The following ITPR1 variants were observed in gnomAD, a reference collection of about 807,000 sequenced individuals.
ITPR1 encodes inositol 1,4,5-trisphosphate-gated calcium channel ITPR1.
Under a neutral mutation model 318.4 loss-of-function variants are expected in ITPR1, and 96 were observed. The observed-to-expected ratio is 0.30, with a 90% CI of 0.26 to 0.36. ITPR1 has a LOEUF of 0.36. Ranked by LOEUF, ITPR1 falls within the 10% of genes least tolerant of loss-of-function variation. The pLI is 1.00. For synonymous variants in ITPR1, 1,312 were observed against 1,289.9 expected (o/e 1.02, Z -0.37); for missense variants, 2,440 against 3,460.2 (o/e 0.71, Z 7.40).
At chr3:4,824,006 A>G (rs929216351) in intron 60 of ITPR1, among the ~76,000 whole-genome samples, 6 of 152,206 alleles carry the variant, frequency 3.9e-5, no homozygotes, top group African/African-American at 1.4e-4. Context: ...GCATATAAAG[A>G]CGGCCTGATC....
chr3:4,794,967 G>T (rs2047804054), intron 52 of ITPR1, 98 bp from the exon 53 acceptor site: 8 of 1,336,686 alleles, frequency 6.0e-6, no homozygotes, highest in Non-Finnish European at 7.0e-6. Context: ...GAACAAAAGT[G>T]GACTTGTGGG....
At chr3:4,533,014 G>C (rs1446361132) in intron 4 of ITPR1, among the ~76,000 whole-genome samples, 1 of 152,172 alleles carries the variant, frequency 6.6e-6, no homozygotes, top group Non-Finnish European at 1.5e-5. Context: ...TTGACTGTGT[G>C]TGTTTTCCCA....
chr3:4,602,561 A>C (rs2125084935), intron 4 of ITPR1, among the ~76,000 whole-genome samples: 1 of 151,810 alleles, frequency 6.6e-6, no homozygotes, highest in South Asian at 2.1e-4. Context: ...TTGTACATAA[A>C]CATTTATAGC....
chr3:4,656,092 G>A (rs2093702219), intron 12 of ITPR1, among the ~76,000 whole-genome samples: 1 of 152,220 alleles, frequency 6.6e-6, no homozygotes, highest in South Asian at 2.1e-4. Context: ...CTTGGTGCCA[G>A]AGGGAGAAAA....
At chr3:4,716,534 C>G (rs1348353428) in intron 39 of ITPR1, among the ~76,000 whole-genome samples, 1 of 152,118 alleles carries the variant, frequency 6.6e-6, no homozygotes, top group Non-Finnish European at 1.5e-5. Context: ...TCAGGTAATG[C>G]CTGGGTTTTC....
In ITPR1 at chr3:4,683,820, C is replaced by CAAACACAAG. The variant is rs764105659; in HGVS notation, c.3498+22_3498+23insAAACACAAG. The CAAACACAAG allele has an allele frequency of 8.1e-6, 13 of 1,605,788 alleles. No individual in the cohort carries two copies. The African/African-American group carries it at 1.3e-4, about 17-fold the overall frequency. Reference sequence around the variant, plus strand: ...GGAGGTGAGTGAAACACAAGTTATGCTGCCAAAGTGGATGGATGGGCTTCT... The same window carrying CAAACACAAG: ...GGAGGTGAGTGAAACACAAGTTATGCAAACACAAGTGCCAAAGTGGATGGATGGGCTTCT... On this transcript the variant is annotated intron_variant, in intron 28 of 61. Transcript: ENST00000649015.
chr3:4,720,091 A>G (rs531351898), intron 40 of ITPR1, among the ~76,000 whole-genome samples: 1 of 152,350 alleles, frequency 6.6e-6, no homozygotes, highest in African/African-American at 2.4e-5. Flanking sequence ...GGCTTGAAAG[A>G]GTTAACAGCT....
chr3:4,693,426 A>ATTTTTTTTTT, intron 32 of ITPR1, 64 bp from the exon 33 acceptor site: 1 of 1,563,326 alleles, frequency 6.4e-7, no homozygotes, highest in Non-Finnish European at 8.8e-7. Flanking sequence ...CTGTGAATAG[A>ATTTTTTTTTT]TTTTTTTCAT....
At position 4,846,977 on chromosome 3, in the gene ITPR1, T is replaced by C. The variant is rs1214428740; in HGVS notation, c.*752T>C. 2 of 152,648 alleles carry C rather than the reference T, an allele frequency of 1.3e-5. No homozygotes were observed. Among genetic ancestry groups the C allele is most frequent in the Non-Finnish European group, 2.9e-5 (2 of 68,038 alleles). The allele number at this position is 152,648 out of a possible 1,614,324, so 9.5% of individuals were successfully genotyped here. On this transcript the variant is annotated 3_prime_UTR_variant, in exon 62 of 62. Coordinates refer to ENST00000649015, the MANE Select transcript of ITPR1 (RefSeq NM_001378452.1). Reference sequence around the variant, plus strand: ...CTCATACTTTAGCTTGTGAAGAAGATAATGAATTTTTTAAAGGGAACTTTC... The same window carrying C: ...CTCATACTTTAGCTTGTGAAGAAGACAATGAATTTTTTAAAGGGAACTTTC...
intron 52 of ITPR1, among the ~76,000 whole-genome samples, chr3:4,792,596 G>A (rs921492653): frequency 2.0e-5 from 3 of 152,162 alleles, no homozygotes; most frequent in African/African-American, 7.2e-5. Context: ...GCTGTCGGCA[G>A]GAGGCCTCAG....
intron 4 of ITPR1, among the ~76,000 whole-genome samples, chr3:4,555,891 A>G (rs1019132156): frequency 6.6e-6 from 1 of 152,164 alleles, no homozygotes; most frequent in African/African-American, 2.4e-5. Context: ...CTGAGGCAGG[A>G]AGAAATTAAA....
chr3:4,754,844 A>G (rs1052250658), intron 44 of ITPR1, among the ~76,000 whole-genome samples: 2 of 152,186 alleles, frequency 1.3e-5, no homozygotes, highest in Admixed American at 6.5e-5. Context: ...TCTGTTTTCA[A>G]GGGTATCGTT....
At chr3:4,585,969 T>C (rs538153262) in intron 4 of ITPR1, among the ~76,000 whole-genome samples, 453 of 150,612 alleles carry the variant, frequency 3.0e-3, no homozygotes, top group Non-Finnish European at 5.1e-3. Context: ...CCTCCTTGTG[T>C]CCATGTGTTC....
In ITPR1 at chr3:4,818,259, C is replaced by G. The variant is rs1357225153; in HGVS notation, c.8028+17C>G. 5 of 1,551,982 alleles carry G rather than the reference C, an allele frequency of 3.2e-6. No homozygotes were observed. In the African/African-American group the frequency reaches 6.8e-5, roughly 21 times the overall value. Reference sequence around the variant, plus strand: ...ATGATCAAGGTGAGTGGAAAGGCCTCCTGGGAGCAAGGTGGACTTGGGGCC... The same window carrying G: ...ATGATCAAGGTGAGTGGAAAGGCCTGCTGGGAGCAAGGTGGACTTGGGGCC... On this transcript the variant is annotated intron_variant, in intron 60 of 61. Coordinates refer to ENST00000649015, the MANE Select transcript of ITPR1 (RefSeq NM_001378452.1).
intron 33 of ITPR1, among the ~76,000 whole-genome samples, chr3:4,694,590 C>T (rs139941995): frequency 4.6e-5 from 7 of 152,310 alleles, no homozygotes; most frequent in African/African-American, 7.2e-5. Flanking sequence ...CAGCTTGCTA[C>T]ACACCTCGGC....
At chr3:4,844,024 T>C (rs1315219313) in intron 61 of ITPR1, among the ~76,000 whole-genome samples, 2 of 152,098 alleles carry the variant, frequency 1.3e-5, no homozygotes, top group East Asian at 3.8e-4. Flanking sequence ...AAAGTCTTAA[T>C]GGCCAACTTT....
chr3:4,720,311 G>A (rs74941675), intron 40 of ITPR1, among the ~76,000 whole-genome samples: 2,624 of 152,248 alleles, frequency 0.017, 52 homozygotes, highest in South Asian at 0.087. Flanking sequence ...CATGGAATCC[G>A]GGGACTTCTA....
Position 4,633,544 on chromosome 3 carries a change from A to T in ITPR1, c.279+5666A>T, listed in dbSNP as rs181085674. ...ACCACTTGACTTCCTTTTGACTAGG[A>T]TGAGCAACATCAACAGCACTTTGAA... is the stretch of plus-strand genomic sequence containing the variant. On this transcript the variant is annotated intron_variant, in intron 5 of 61. Coordinates refer to ENST00000649015, the MANE Select transcript of ITPR1 (RefSeq NM_001378452.1). 8.5e-5 allele frequency among the ~76,000 whole-genome samples: 13 copies of T among 152,318 alleles called. No individual in the cohort carries two copies. In the East Asian group the frequency reaches 2.3e-3, roughly 27 times the overall value.
At chr3:4,513,640 G>A (rs1283120203) in intron 2 of ITPR1, among the ~76,000 whole-genome samples, 1 of 152,228 alleles carries the variant, frequency 6.6e-6, no homozygotes, top group East Asian at 1.9e-4. Flanking sequence ...CTGACTTATG[G>A]AAGTATTACA....
Sources: allele counts gnomAD v4.1 joint callset (sites outside exome capture counted in the v4.1 genomes callset), GRCh38; gene constraint gnomAD v4.1.1; transcripts MANE v1.5; gene names NCBI Gene and HGNC (gene_info 2026-07-23, HGNC 2026-07-21).